The following CDK17 variants were observed in gnomAD, a reference collection of about 807,000 sequenced individuals.
CDK17 encodes the protein cyclin dependent kinase 17.
Under a neutral mutation model 77.6 loss-of-function variants are expected in CDK17, and 24 were observed. The observed-to-expected ratio is 0.31, with a 90% CI of 0.22 to 0.44. CDK17 has a LOEUF of 0.44. Among genes scored for constraint, CDK17 ranks in the 20% least tolerant of loss-of-function variants. The probability of loss-of-function intolerance (pLI) is 1.00; values close to 1 mark genes in which losing one functional copy is unlikely to be tolerated. For missense variants in CDK17, 429 were observed against 622.5 expected (o/e 0.69, Z 3.31); for synonymous variants, 203 against 210.4 (o/e 0.96, Z 0.30).
intron 1 of CDK17, among the ~76,000 whole-genome samples, chr12:96,391,086 CA>C (rs72094136): frequency 2.2e-4 from 31 of 142,770 alleles, no homozygotes; most frequent in Admixed American, 2.1e-4. Flanking sequence ...GACTCCATCT[CA>C]AAAAAAAAAA....
intron 2 of CDK17, among the ~76,000 whole-genome samples, chr12:96,326,160 G>C (rs182243374): frequency 5.6e-4 from 85 of 152,248 alleles, no homozygotes; most frequent in African/African-American, 2.0e-3. Flanking sequence ...GCTCTGTAAA[G>C]CTGTCCTGGA....
intron 3 of CDK17, among the ~76,000 whole-genome samples, chr12:96,316,227 C>A (rs1272566252): frequency 6.6e-6 from 1 of 152,094 alleles, no homozygotes; most frequent in Non-Finnish European, 1.5e-5. Flanking sequence ...CACTCCCACC[C>A]GAATATTGCG....
intron 5 of CDK17, among the ~76,000 whole-genome samples, chr12:96,304,623 T>C (rs1952553495): frequency 6.6e-6 from 1 of 152,188 alleles, no homozygotes; most frequent in African/African-American, 2.4e-5. Flanking sequence ...CGAGTTACTG[T>C]TAACGAAAGA....
At chr12:96,346,978 T>C (rs955958523) in intron 1 of CDK17, among the ~76,000 whole-genome samples, 3 of 150,944 alleles carry the variant, frequency 2.0e-5, no homozygotes, top group Admixed American at 6.6e-5. Flanking sequence ...AGTGAAAGGA[T>C]AGGAAAAAAT....
intron 5 of CDK17, chr12:96,303,011 A>C (rs963275599): frequency 6.6e-6 from 1 of 152,194 alleles, no homozygotes; most frequent in African/African-American, 2.4e-5. Flanking sequence ...CCAACTTAGG[A>C]TTTAATGATT....
intron 1 of CDK17, among the ~76,000 whole-genome samples, chr12:96,367,402 T>C (rs1238237031): frequency 6.8e-6 from 1 of 147,554 alleles, no homozygotes; most frequent in Non-Finnish European, 1.5e-5. Flanking sequence ...AGTTCTCAAG[T>C]CTGAGGTTAA....
At chr12:96,289,452 C>G (rs1448413119) in intron 10 of CDK17, among the ~76,000 whole-genome samples, 165 bp from the exon 11 acceptor site, 1 of 152,102 alleles carries the variant, frequency 6.6e-6, no homozygotes, top group Non-Finnish European at 1.5e-5. Flanking sequence ...TGCATGTGGC[C>G]CTAAGTAAGC....
chr12:96,390,708 CAAAA>C (rs71097285), intron 1 of CDK17, among the ~76,000 whole-genome samples: 3 of 43,534 alleles, frequency 6.9e-5, no homozygotes, highest in South Asian at 1.4e-3. Context: ...GACTCCATCT[CAAAA>C]AAAAAAAAAA....
chr12:96,292,332 G>A (rs547863757), intron 10 of CDK17, among the ~76,000 whole-genome samples: 1 of 152,246 alleles, frequency 6.6e-6, no homozygotes, highest in African/African-American at 2.4e-5. Context: ...AAAGCCAGGT[G>A]TGATGGCTCA....
At chr12:96,376,041 A>C (rs915857367) in intron 1 of CDK17, among the ~76,000 whole-genome samples, 4 of 152,210 alleles carry the variant, frequency 2.6e-5, no homozygotes, top group Admixed American at 6.6e-5. Context: ...ATGGACACTG[A>C]GAACTGAAAC....
intron 1 of CDK17, among the ~76,000 whole-genome samples, chr12:96,380,315 C>T (rs1165308437): frequency 6.8e-6 from 1 of 146,460 alleles, no homozygotes; most frequent in Non-Finnish European, 1.5e-5. Flanking sequence ...CAAAGTCTTC[C>T]CTGTTGCCCA....
At chr12:96,285,966 C>T in intron 13 of CDK17, 77 bp downstream of exon 13, 4 of 730,744 alleles carry the variant, frequency 5.5e-6, no homozygotes, top group South Asian at 4.5e-5. Context: ...TTTCCTGAAT[C>T]CTTACTGTGG....
chr12:96,284,951 A>G (rs1487244231), intron 13 of CDK17, among the ~76,000 whole-genome samples: 1 of 152,170 alleles, frequency 6.6e-6, no homozygotes, highest in African/African-American at 2.4e-5. Flanking sequence ...TACAATTATG[A>G]ATAAGGTAAC....
intron 2 of CDK17, among the ~76,000 whole-genome samples, chr12:96,333,114 T>C (rs1952994259): frequency 1.3e-5 from 2 of 151,612 alleles, no homozygotes; most frequent in South Asian, 4.2e-4. Context: ...ATCCTAAGAG[T>C]AGGCACACTG....
At chr12:96,303,530 A>G (rs1952535947) in intron 5 of CDK17, 1 of 152,146 alleles carries the variant, frequency 6.6e-6, no homozygotes, top group Non-Finnish European at 1.5e-5. Flanking sequence ...TTCATGTAAT[A>G]TAAGAGCCCC....
At chr12:96,301,844 T>C (rs1220297355) in intron 5 of CDK17, among the ~76,000 whole-genome samples, 1 of 152,132 alleles carries the variant, frequency 6.6e-6, no homozygotes, top group African/African-American at 2.4e-5. Flanking sequence ...GGATAAATTA[T>C]CCAAAGCTGA....
intron 1 of CDK17, among the ~76,000 whole-genome samples, chr12:96,371,732 C>G (rs1346359214): frequency 6.6e-6 from 1 of 151,120 alleles, no homozygotes; most frequent in Admixed American, 6.6e-5. Context: ...AACTCCATCT[C>G]AAAAAAAATA....
intron 2 of CDK17, among the ~76,000 whole-genome samples, chr12:96,325,515 T>C (rs1402362405): frequency 6.6e-6 from 1 of 152,142 alleles, no homozygotes; most frequent in Non-Finnish European, 1.5e-5. Flanking sequence ...TCCAGAGAAA[T>C]GGGCCAAGAA....
At chr12:96,367,951 C>T (rs556924355) in intron 1 of CDK17, among the ~76,000 whole-genome samples, 2 of 151,432 alleles carry the variant, frequency 1.3e-5, no homozygotes, top group South Asian at 2.1e-4. Context: ...CATTTAAAAA[C>T]GTATACATCA....
Sources: gnomAD v4.1 joint callset for allele counts (sites outside exome capture counted in the v4.1 genomes callset) on GRCh38, gnomAD v4.1.1 for gene constraint, MANE v1.5 for transcripts, NCBI Gene and HGNC (gene_info 2026-07-23, HGNC 2026-07-21) for gene names.